Variants in CAMTA1 observed in about 807,000 individuals in gnomAD.
CAMTA1 encodes calmodulin-binding transcription activator 1.
CAMTA1 carries 27 observed loss-of-function variants against 170.9 expected under a neutral mutation model. That is an observed-to-expected ratio of 0.16 (90% CI 0.12 to 0.22). The LOEUF (loss-of-function observed/expected upper bound fraction) is 0.22. Among genes scored for constraint, CAMTA1 ranks in the 10% least tolerant of loss-of-function variants. CAMTA1 has a pLI of 1.00. For missense variants in CAMTA1, 1,619 were observed against 2,217.2 expected (o/e 0.73, Z 5.42); for synonymous variants, 833 against 891.5 (o/e 0.93, Z 1.17).
chr1:6,804,234 T>C (rs1644251332), intron 1 of CAMTA1, among the ~76,000 whole-genome samples: 1 of 148,158 alleles, frequency 6.7e-6, no homozygotes, highest in Non-Finnish European at 1.5e-5. Context: ...CCCAGGCTGA[T>C]CTTAAACTCC....
chr1:6,890,630 GTATGA>G (rs1674309590), intron 3 of CAMTA1, among the ~76,000 whole-genome samples: 1 of 151,958 alleles, frequency 6.6e-6, no homozygotes, highest in South Asian at 2.1e-4. Flanking sequence ...GAGTGCAGTG[GTATGA>G]TCACAGCTTA....
chr1:7,489,476 C>G (rs1018906700), intron 6 of CAMTA1, among the ~76,000 whole-genome samples: 2 of 152,130 alleles, frequency 1.3e-5, no homozygotes, highest in Non-Finnish European at 2.9e-5. Context: ...CTCTGCATCT[C>G]GTTCTCCAGG....
At chr1:7,724,643 T>C (rs1167013577) in intron 11 of CAMTA1, among the ~76,000 whole-genome samples, 2 of 151,956 alleles carry the variant, frequency 1.3e-5, no homozygotes, top group East Asian at 1.9e-4. Context: ...CCATCCTGGC[T>C]AACATGGTGA....
intron 4 of CAMTA1, among the ~76,000 whole-genome samples, chr1:7,239,868 T>C (rs1213482595): frequency 6.6e-6 from 1 of 151,716 alleles, no homozygotes; most frequent in Non-Finnish European, 1.5e-5. Flanking sequence ...AGGGCAAGAA[T>C]GAGAGAATGA....
At chr1:7,650,529 C>G (rs977326253) in intron 7 of CAMTA1, among the ~76,000 whole-genome samples, 2 of 152,196 alleles carry the variant, frequency 1.3e-5, no homozygotes, top group Admixed American at 6.5e-5. Context: ...GGACCCTCCA[C>G]CCCCGCCTTT....
At chr1:7,647,889 G>A (rs1189762717) in intron 7 of CAMTA1, among the ~76,000 whole-genome samples, 3 of 152,228 alleles carry the variant, frequency 2.0e-5, no homozygotes, top group Admixed American at 2.0e-4. Flanking sequence ...TTCAAGATCA[G>A]CCTGGGCAAC....
At chr1:7,576,763 C>T (rs1262627391) in intron 6 of CAMTA1, among the ~76,000 whole-genome samples, 2 of 152,122 alleles carry the variant, frequency 1.3e-5, no homozygotes, top group Admixed American at 1.3e-4. Context: ...GGGAGCAGTA[C>T]TAGGGAGCCA....
At chr1:7,490,657 A>T (rs1268289583) in intron 6 of CAMTA1, among the ~76,000 whole-genome samples, 2 of 151,386 alleles carry the variant, frequency 1.3e-5, no homozygotes, top group African/African-American at 4.9e-5. Context: ...CATCTCAAAA[A>T]AAAAAAGTGA....
intron 22 of CAMTA1, among the ~76,000 whole-genome samples, chr1:7,762,309 T>C (rs1457938429): frequency 6.6e-6 from 1 of 152,250 alleles, no homozygotes; most frequent in East Asian, 1.9e-4. Context: ...TAAAGATTTA[T>C]TTTTAACATC....
intron 6 of CAMTA1, among the ~76,000 whole-genome samples, chr1:7,479,768 CCT>C (rs1416370128): frequency 6.6e-6 from 1 of 152,234 alleles, no homozygotes; most frequent in Non-Finnish European, 1.5e-5. Context: ...TGCAATTCTG[CCT>C]CTCTACCTAG....
At chr1:7,650,550 G>T (rs749560215) in intron 7 of CAMTA1, among the ~76,000 whole-genome samples, 1 of 152,188 alleles carries the variant, frequency 6.6e-6, no homozygotes, top group Non-Finnish European at 1.5e-5. Context: ...TCCAGAGGAC[G>T]TGTGATGTTG....
chr1:7,610,431 G>A (rs554145940), intron 6 of CAMTA1, among the ~76,000 whole-genome samples: 21 of 152,310 alleles, frequency 1.4e-4, no homozygotes, highest in Middle Eastern at 3.4e-3. Flanking sequence ...TGAGCACTAG[G>A]AATGCAATCC....
intron 4 of CAMTA1, among the ~76,000 whole-genome samples, chr1:7,130,884 A>G (rs1438913773): frequency 6.6e-6 from 1 of 151,796 alleles, no homozygotes; most frequent in Non-Finnish European, 1.5e-5. Context: ...AGTTCTTTGC[A>G]TATTTTAGAT....
chr1:7,029,365 G>C (rs144386839), intron 3 of CAMTA1, among the ~76,000 whole-genome samples: 1 of 151,906 alleles, frequency 6.6e-6, no homozygotes, highest in Non-Finnish European at 1.5e-5. Context: ...AGCTGGGCGT[G>C]GTGGCGGGTG....
chr1:7,571,804 TGCG>T (rs2095129748), intron 6 of CAMTA1, among the ~76,000 whole-genome samples: 1 of 152,238 alleles, frequency 6.6e-6, no homozygotes, highest in African/African-American at 2.4e-5. Flanking sequence ...AACATATGCA[TGCG>T]TGTGTCTTTA....
Position 7,487,032 on chromosome 1 carries a change from A to G in CAMTA1, c.510+19131A>G, listed in dbSNP as rs1281984420. ...CTCAAGGGTTGTTGGGAGGGGAAAA[A>G]TCCCTAACAAATGTGAAGCACTTAG... On this transcript the variant is annotated intron_variant, in intron 6 of 22. Coordinates refer to ENST00000303635, the MANE Select transcript of CAMTA1 (RefSeq NM_015215.4). Among the ~76,000 whole-genome samples, 2 of 150,672 alleles carry G rather than the reference A, an allele frequency of 1.3e-5. 1 individual carries two copies. Among genetic ancestry groups the G allele is most frequent in the South Asian group, 4.2e-4 (2 of 4,720 alleles).
chr1:6,952,240 C>T (rs1055026895), intron 3 of CAMTA1, among the ~76,000 whole-genome samples: 1 of 151,370 alleles, frequency 6.6e-6, no homozygotes, highest in Non-Finnish European at 1.5e-5. Flanking sequence ...ACCATCCTGG[C>T]CAACATGGTG....
At chr1:7,322,397 A>G (rs1229335510) in intron 5 of CAMTA1, among the ~76,000 whole-genome samples, 3 of 152,224 alleles carry the variant, frequency 2.0e-5, no homozygotes, top group Admixed American at 6.6e-5. Context: ...TACTAGCCAT[A>G]TGATCTCTGT....
At chr1:6,852,858 GA>G (rs1660927911) in intron 3 of CAMTA1, among the ~76,000 whole-genome samples, 1 of 152,200 alleles carries the variant, frequency 6.6e-6, no homozygotes, top group African/African-American at 2.4e-5. Context: ...GTGGGGTGGG[GA>G]GCAGAGTGAC....
Sources: gnomAD v4.1 joint callset for allele counts (sites outside exome capture counted in the v4.1 genomes callset) on GRCh38, gnomAD v4.1.1 for gene constraint, MANE v1.5 for transcripts, NCBI Gene and HGNC (gene_info 2026-07-23, HGNC 2026-07-21) for gene names.